The following DCC variants were observed in gnomAD, a reference collection of about 807,000 sequenced individuals.
DCC encodes netrin receptor DCC.
A neutral mutation model predicts 172.5 loss-of-function variants in DCC; 58 were observed. The observed-to-expected ratio is 0.34, with a 90% confidence interval of 0.27 to 0.42. The LOEUF (loss-of-function observed/expected upper bound fraction) is 0.42, where lower values mean the gene tolerates loss of function less well. DCC is among the 10% of genes least tolerant of loss of function. The pLI is 1.00. For missense variants in DCC, 1,740 were observed against 1,791.0 expected, an observed-to-expected ratio of 0.97 and a Z score of 0.51; for synonymous variants, 709 against 644.5, an observed-to-expected ratio of 1.10 and a Z score of -1.52.
At chr18:53,303,106 G>A (rs890385452) in intron 12 of DCC, among the ~76,000 whole-genome samples, 3 of 151,934 alleles carry the variant, frequency 2.0e-5, no homozygotes, top group African/African-American at 7.3e-5. Context: ...CTCCTCAGGG[G>A]TGTTGGAAAT....
In DCC at chr18:53,459,224, T is replaced by A; in HGVS notation, c.3393-8T>A. On this transcript the variant is annotated splice_region_variant and splice_polypyrimidine_tract_variant and intron_variant, in intron 23 of 28. Coordinates refer to ENST00000442544, the MANE Select transcript of DCC (RefSeq NM_005215.4). ...TTCTCACATTTGCCTTCTAACTTTG[T>A]TCCATAGGAAACGGGCCACCCACAG... The A allele has an allele frequency of 1.9e-6, 3 of 1,611,706 alleles. No individual in the cohort carries two copies. Among genetic ancestry groups the A allele is most frequent in the Non-Finnish European group, 2.5e-6 (3 of 1,177,832 alleles).
chr18:52,943,601 CA>C (rs1173193650), intron 5 of DCC, among the ~76,000 whole-genome samples: 2 of 151,990 alleles, frequency 1.3e-5, no homozygotes, highest in African/African-American at 4.8e-5. Context: ...TATGTATTTA[CA>C]GTTAAAATTT....
intron 15 of DCC, among the ~76,000 whole-genome samples, chr18:53,351,350 C>CTGTATATATATATAT (rs1568074833): frequency 2.4e-4 from 10 of 41,982 alleles, no homozygotes; most frequent in African/African-American, 7.6e-4. Flanking sequence ...TATATATATA[C>CTGTATATATATATAT]ACAGTATATA....
chr18:53,393,867 G>A (rs1393309896), intron 17 of DCC, among the ~76,000 whole-genome samples: 1 of 145,046 alleles, frequency 6.9e-6, no homozygotes, highest in African/African-American at 2.5e-5. Flanking sequence ...CATCCTCCCT[G>A]ACAGAAGGCT....
At chr18:53,525,383 A>T (rs748505870) in intron 27 of DCC, among the ~76,000 whole-genome samples, 1 of 152,104 alleles carries the variant, frequency 6.6e-6, no homozygotes, top group Non-Finnish European at 1.5e-5. Context: ...CCACGAACAG[A>T]ATATCACCCT....
At chr18:53,439,307 T>A (rs775675703) in intron 22 of DCC, among the ~76,000 whole-genome samples, 22 of 152,242 alleles carry the variant, frequency 1.4e-4, no homozygotes, top group Non-Finnish European at 2.5e-4. Context: ...TCCAAGTAGA[T>A]GTGCAAGTGA....
chr18:53,529,048 A>T (rs971855077), intron 28 of DCC, among the ~76,000 whole-genome samples: 294 of 107,944 alleles, frequency 2.7e-3, no homozygotes, highest in African/African-American at 0.01. Context: ...TCACACACAC[A>T]CACACACACA....
At chr18:53,069,278 A>T (rs1160068199) in intron 7 of DCC, among the ~76,000 whole-genome samples, 1 of 152,232 alleles carries the variant, frequency 6.6e-6, no homozygotes, top group Non-Finnish European at 1.5e-5. Context: ...TTTCGCCTCC[A>T]CACTGGCTGG....
At chr18:52,992,953 T>C (rs2041417473) in intron 5 of DCC, among the ~76,000 whole-genome samples, 1 of 149,326 alleles carries the variant, frequency 6.7e-6, no homozygotes, top group African/African-American at 2.5e-5. Flanking sequence ...CACTACAGCC[T>C]GGGTGACACA....
At chr18:52,611,753 G>C (rs73955748) in intron 1 of DCC, among the ~76,000 whole-genome samples, 9,480 of 152,136 alleles carry the variant, frequency 0.062, 713 homozygotes, top group African/African-American at 0.18. Context: ...CTGTATAATA[G>C]GATCACTGAT....
At position 52,369,146 on chromosome 18, in the gene DCC, A is replaced by G. The variant is rs190666034; in HGVS notation, c.91+28268A>G. Among the ~76,000 whole-genome samples the G allele has an allele frequency of 1.4e-3, 208 of 152,334 alleles. 2 individuals are homozygous for G. The highest frequency in any genetic ancestry group is 1.5e-3 in the Non-Finnish European group (101 of 68,028). On this transcript the variant is annotated intron_variant, in intron 1 of 28. Transcript: ENST00000442544. ...AAGAATGAATTTGGTGGTATCGATGAAGAGTCTTCTCAAAAACGAGGACAA... is the reference window on the plus strand; with the variant it reads ...AAGAATGAATTTGGTGGTATCGATGGAGAGTCTTCTCAAAAACGAGGACAA...
chr18:52,673,088 T>A (rs2035582830), intron 1 of DCC, among the ~76,000 whole-genome samples: 1 of 152,162 alleles, frequency 6.6e-6, no homozygotes, highest in African/African-American at 2.4e-5. Context: ...ATAATTTGAC[T>A]TAATTTAGTG....
At chr18:52,700,717 T>C (rs1257724084) in intron 1 of DCC, among the ~76,000 whole-genome samples, 1 of 152,238 alleles carries the variant, frequency 6.6e-6, no homozygotes, top group South Asian at 2.1e-4. Flanking sequence ...GAAATATATT[T>C]GCTGTCTTAA....
At chr18:52,342,398 C>T (rs1037175465) in intron 1 of DCC, among the ~76,000 whole-genome samples, 2 of 148,090 alleles carry the variant, frequency 1.4e-5, no homozygotes. Context: ...CGGTCCCCTC[C>T]TCCCCTGGCT....
At chr18:53,401,606 G>GAATTAGAGACTCATTTCT (rs1909298834) in intron 18 of DCC, among the ~76,000 whole-genome samples, 1 of 151,384 alleles carries the variant, frequency 6.6e-6, no homozygotes, top group Non-Finnish European at 1.5e-5. Context: ...GATGAGTTCA[G>GAATTAGAGACTCATTTCT]AATTAGAGAC....
chr18:53,523,164 G>T (rs1380527207), intron 27 of DCC, among the ~76,000 whole-genome samples: 1 of 151,914 alleles, frequency 6.6e-6, no homozygotes, highest in African/African-American at 2.4e-5. Flanking sequence ...CATGAAAAAA[G>T]GCTCATCATC....
intron 27 of DCC, 81 bp from the exon 28 acceptor site, chr18:53,526,536 C>A (rs2046457408): frequency 7.0e-7 from 1 of 1,422,160 alleles, no homozygotes; most frequent in African/African-American, 1.4e-5. Context: ...TGCCAATCTC[C>A]TGGATATGGT....
chr18:52,983,273 C>A (rs1369234909), intron 5 of DCC, among the ~76,000 whole-genome samples: 1 of 152,096 alleles, frequency 6.6e-6, no homozygotes, highest in Non-Finnish European at 1.5e-5. Context: ...AAGACATTTA[C>A]AAGACAAAGG....
intron 26 of DCC, among the ~76,000 whole-genome samples, chr18:53,489,375 T>G (rs2045936432): frequency 1.3e-5 from 2 of 152,352 alleles, no homozygotes; most frequent in East Asian, 3.9e-4. Context: ...CCCTCCTTTC[T>G]AGGAAACTAA....
Sources: gnomAD v4.1 joint callset for allele counts (sites outside exome capture counted in the v4.1 genomes callset) on GRCh38, gnomAD v4.1.1 for gene constraint, MANE v1.5 for transcripts, NCBI Gene and HGNC (gene_info 2026-07-23, HGNC 2026-07-21) for gene names.